Variants in CTIF observed in about 807,000 individuals in gnomAD.
CTIF encodes the protein cap binding complex dependent translation initiation factor.
CTIF carries 21 observed loss-of-function variants against 66.0 expected under a neutral mutation model. The observed-to-expected ratio is 0.32, with a 90% confidence interval of 0.23 to 0.46. CTIF has a LOEUF of 0.46. Ranked by LOEUF, CTIF falls within the 20% of genes least tolerant of loss-of-function variation. The pLI is 1.00. For synonymous variants in CTIF, 345 were observed against 326.4 expected (o/e 1.06, Z -0.62); for missense variants, 739 against 812.7 (o/e 0.91, Z 1.10).
intron 1 of CTIF, among the ~76,000 whole-genome samples, chr18:48,614,403 C>T (rs868006370): frequency 6.6e-6 from 1 of 152,306 alleles, no homozygotes. Context: ...GTTGTACACT[C>T]ATATTCAAAG....
Position 48,699,755 on chromosome 18 carries a change from CCT to C in CTIF, c.508-11861_508-11860del, listed in dbSNP as rs1467237018. On this transcript the variant is annotated intron_variant, in intron 6 of 11. Coordinates refer to ENST00000256413, the MANE Select transcript of CTIF (RefSeq NM_014772.3). ...CATCTCATTTAACCCTCGTAACGGTCCTCTGATATGCGTATGCTTCTTTATTA... is the reference window on the plus strand; with the variant it reads ...CATCTCATTTAACCCTCGTAACGGTCCTGATATGCGTATGCTTCTTTATTA... 7.2e-5 allele frequency among the ~76,000 whole-genome samples: 11 copies of C among 152,298 alleles called. No homozygotes were observed. In the East Asian group the frequency reaches 1.7e-3, roughly 24 times the overall value.
Position 48,704,449 on chromosome 18 carries a change from C to T in CTIF, c.508-7170C>T, listed in dbSNP as rs559348938. On this transcript the variant is annotated intron_variant, in intron 6 of 11. Transcript: ENST00000256413. ...CCCTCCCAGCCTGGGTGATTTTGCCCACCACTCCACCTGGGTTAGTTTCCC... is the reference window on the plus strand; with the variant it reads ...CCCTCCCAGCCTGGGTGATTTTGCCTACCACTCCACCTGGGTTAGTTTCCC... Among the ~76,000 whole-genome samples, 119 of 152,228 alleles carry T rather than the reference C, an allele frequency of 7.8e-4. 1 individual carries two copies. The highest frequency in any genetic ancestry group is 2.8e-3 in the African/African-American group (115 of 41,530).
chr18:48,842,823 C>T (rs188601043), intron 10 of CTIF, among the ~76,000 whole-genome samples: 2 of 152,244 alleles, frequency 1.3e-5, no homozygotes, highest in Admixed American at 6.5e-5. Context: ...GCTCCCTCCA[C>T]GGAGACACTT....
intron 2 of CTIF, among the ~76,000 whole-genome samples, chr18:48,632,281 G>A (rs1365396097): frequency 6.6e-6 from 1 of 152,174 alleles, no homozygotes; most frequent in Non-Finnish European, 1.5e-5. Flanking sequence ...AGCTTGCTGT[G>A]CTAAGTGTGA....
At chr18:48,701,140 C>T (rs2092078995) in intron 6 of CTIF, among the ~76,000 whole-genome samples, 1 of 152,198 alleles carries the variant, frequency 6.6e-6, no homozygotes, top group African/African-American at 2.4e-5. Flanking sequence ...GGCCAGGACA[C>T]AGGCCATATG....
intron 10 of CTIF, among the ~76,000 whole-genome samples, chr18:48,823,011 T>C (rs1167841990): frequency 6.6e-6 from 1 of 152,228 alleles, no homozygotes; most frequent in African/African-American, 2.4e-5. Flanking sequence ...AATTGAGTTA[T>C]TAGGTTTTTT....
intron 10 of CTIF, among the ~76,000 whole-genome samples, chr18:48,841,814 G>C (rs1001162856): frequency 6.6e-6 from 1 of 152,190 alleles, no homozygotes; most frequent in African/African-American, 2.4e-5. Context: ...GGCCATCTCG[G>C]GTGGGAGGGC....
At chr18:48,623,281 C>A (rs1194771897) in intron 2 of CTIF, among the ~76,000 whole-genome samples, 4 of 152,208 alleles carry the variant, frequency 2.6e-5, no homozygotes, top group Non-Finnish European at 5.9e-5. Flanking sequence ...AATGCAGACA[C>A]CTGGCAGGAT....
intron 9 of CTIF, among the ~76,000 whole-genome samples, chr18:48,773,197 C>T (rs762997048): frequency 2.0e-5 from 3 of 152,182 alleles, no homozygotes; most frequent in Non-Finnish European, 4.4e-5. Flanking sequence ...GTCCAACCCC[C>T]TCGTATTACA....
intron 6 of CTIF, among the ~76,000 whole-genome samples, chr18:48,672,235 T>C (rs1368461994): frequency 6.6e-6 from 1 of 151,848 alleles, no homozygotes; most frequent in Non-Finnish European, 1.5e-5. Flanking sequence ...TGAGTTTTCC[T>C]AGTGTTCTTC....
Position 48,633,589 on chromosome 18 carries a change from C to T in CTIF, c.181-3025C>T, listed in dbSNP as rs2090760057. On this transcript the variant is annotated intron_variant, in intron 2 of 11. Transcript: ENST00000256413. The stretch of plus-strand genomic sequence containing the variant: ...TGGTGGCGGGCACCTGTAATCCCAG[C>T]TACTCAGGAGGCTGAGGCAAGAGAA... Among the ~76,000 whole-genome samples, 3 of 152,094 alleles carry T rather than the reference C, an allele frequency of 2.0e-5. No homozygotes were observed. In the South Asian group the frequency reaches 6.2e-4, roughly 32 times the overall value.
intron 10 of CTIF, among the ~76,000 whole-genome samples, chr18:48,841,346 G>T (rs901318310): frequency 6.6e-6 from 1 of 152,028 alleles, no homozygotes; most frequent in Non-Finnish European, 1.5e-5. Flanking sequence ...TCTGCAGCCG[G>T]GCCCTCCCTG....
chr18:48,709,111 C>G (rs2092194646), intron 6 of CTIF, among the ~76,000 whole-genome samples: 1 of 152,218 alleles, frequency 6.6e-6, no homozygotes, highest in South Asian at 2.1e-4. Flanking sequence ...CAGCCAGATG[C>G]TATTATCTCC....
intron 10 of CTIF, among the ~76,000 whole-genome samples, chr18:48,851,986 C>A (rs1267505477): frequency 6.6e-6 from 1 of 152,082 alleles, no homozygotes; most frequent in Non-Finnish European, 1.5e-5. Context: ...TTACCTAGCA[C>A]TTTGGAAGGC....
intron 1 of CTIF, among the ~76,000 whole-genome samples, chr18:48,602,846 G>A (rs200066314): frequency 4.4e-5 from 6 of 135,356 alleles, no homozygotes; most frequent in South Asian, 2.4e-4. Flanking sequence ...TGGATGGATG[G>A]ATGAATGGAT....
intron 3 of CTIF, among the ~76,000 whole-genome samples, chr18:48,643,491 C>T (rs1328684730): frequency 6.6e-6 from 1 of 152,174 alleles, no homozygotes; most frequent in East Asian, 1.9e-4. Flanking sequence ...AGGACCCTCT[C>T]TGGAATGGGG....
At chr18:48,646,055 G>T (rs2144715167) in intron 3 of CTIF, among the ~76,000 whole-genome samples, 1 of 152,316 alleles carries the variant, frequency 6.6e-6, no homozygotes, top group East Asian at 1.9e-4. Flanking sequence ...TGTTAACACT[G>T]AGATGCTAAA....
chr18:48,765,911 C>CT (rs5824766), intron 9 of CTIF, among the ~76,000 whole-genome samples: 33,772 of 143,680 alleles, frequency 0.24, 4,437 homozygotes, highest in African/African-American at 0.37. Context: ...ACAGACATTT[C>CT]TTTTTTTTTT....
intron 9 of CTIF, among the ~76,000 whole-genome samples, chr18:48,805,115 G>A (rs1259230518): frequency 6.6e-6 from 1 of 152,218 alleles, no homozygotes; most frequent in East Asian, 1.9e-4. Context: ...TCTCAGGCTG[G>A]GGGTAACCTG....
Sources: gnomAD v4.1 joint callset for allele counts (sites outside exome capture counted in the v4.1 genomes callset) on GRCh38, gnomAD v4.1.1 for gene constraint, MANE v1.5 for transcripts, NCBI Gene and HGNC (gene_info 2026-07-23, HGNC 2026-07-21) for gene names.